The following MAP7 variants were observed in gnomAD, a reference collection of about 807,000 sequenced individuals.
MAP7 encodes microtubule associated protein 7.
MAP7 carries 52 observed loss-of-function variants against 94.8 expected under a neutral mutation model. The observed-to-expected ratio is 0.55, with a 90% CI of 0.44 to 0.69. The LOEUF is 0.69. MAP7 is among the 30% of genes least tolerant of loss of function. The pLI is 0.00. For synonymous variants in MAP7, 350 were observed against 357.0 expected (o/e 0.98, Z 0.22); for missense variants, 940 against 964.6 (o/e 0.97, Z 0.34).
At chr6:136,455,652 A>G (rs920004670) in intron 1 of MAP7, among the ~76,000 whole-genome samples, 27 of 152,232 alleles carry the variant, frequency 1.8e-4, no homozygotes, top group African/African-American at 6.5e-4. Flanking sequence ...AGAGAATACA[A>G]GATAATTCAC....
intron 1 of MAP7, among the ~76,000 whole-genome samples, chr6:136,453,905 C>A (rs926429131): frequency 6.6e-6 from 1 of 152,150 alleles, no homozygotes; most frequent in Non-Finnish European, 1.5e-5. Flanking sequence ...AAATACAGAC[C>A]ACTTAATTTT....
intron 6 of MAP7, among the ~76,000 whole-genome samples, chr6:136,383,008 A>G (rs899616910): frequency 3.9e-5 from 6 of 152,218 alleles, no homozygotes; most frequent in African/African-American, 1.4e-4. Flanking sequence ...AAATAACTCA[A>G]CATTCATGTA....
intron 1 of MAP7, among the ~76,000 whole-genome samples, chr6:136,468,685 A>T (rs1489599867): frequency 6.6e-6 from 1 of 152,226 alleles, no homozygotes; most frequent in Non-Finnish European, 1.5e-5. Flanking sequence ...ACCCAAAGTG[A>T]GAAACAGAAT....
Position 136,365,942 on chromosome 6 carries a change from C to T in MAP7, c.1066G>A (p.Ala356Thr). 2 of 1,614,044 alleles carry T rather than the reference C, an allele frequency of 1.2e-6. No homozygotes were observed. Among genetic ancestry groups the T allele is most frequent in the South Asian group, 2.2e-5 (2 of 91,078 alleles). The part of the protein sequence containing the change: ...TSSLPPGSVK[A>T]APAQVRPPSP... ...GGGGGCCGGACCTGAGCAGGAGCAGCTTTGACTGAGCCGGGTGGCAAGGAG... is the reference window on the plus strand; with the variant it reads ...GGGGGCCGGACCTGAGCAGGAGCAGTTTTGACTGAGCCGGGTGGCAAGGAG... The change falls in exon 10 of 18, where the codon GCT becomes ACT. Residue 356 changes from alanine (A) to threonine (T), a missense_variant. By Grantham distance (58) the Ala-to-Thr change is moderately conservative. Coordinates refer to ENST00000354570, the MANE Select transcript of MAP7 (RefSeq NM_003980.6).
At chr6:136,478,362 G>A (rs1231614124) in intron 1 of MAP7, among the ~76,000 whole-genome samples, 1 of 151,964 alleles carries the variant, frequency 6.6e-6, no homozygotes, top group Non-Finnish European at 1.5e-5. Flanking sequence ...GTGGGAGGAT[G>A]GCTTGAGGCC....
chr6:136,505,546 A>T (rs968935716), intron 1 of MAP7, among the ~76,000 whole-genome samples: 1 of 151,880 alleles, frequency 6.6e-6, no homozygotes, highest in Non-Finnish European at 1.5e-5. Context: ...ATCGCTAGGC[A>T]TCTGAGATTA....
intron 1 of MAP7, among the ~76,000 whole-genome samples, chr6:136,443,368 T>C (rs1179992480): frequency 6.6e-6 from 1 of 152,038 alleles, no homozygotes; most frequent in African/African-American, 2.4e-5. Context: ...GGAATATGTC[T>C]ACATGGAGGG....
chr6:136,520,185 G>A lies in MAP7; in HGVS notation c.67+30157C>T, dbSNP rs1172559336. Among the ~76,000 whole-genome samples, 3 of 141,078 alleles carry A rather than the reference G, an allele frequency of 2.1e-5. No homozygotes were observed. The Admixed American group carries it at 2.1e-4, about 10-fold the overall frequency. The allele number at this position is 141,078 out of a possible 152,430, so 92.6% of individuals were successfully genotyped here. On this transcript the variant is annotated intron_variant, in intron 1 of 17. Coordinates refer to ENST00000354570, the MANE Select transcript of MAP7 (RefSeq NM_003980.6). ...ACTGCACTTCAGCCTGGAAAACAGA[G>A]CAAGAGTTTGCCTCAAAAAAAAAAA...
At chr6:136,409,477 A>G (rs2128734158) in intron 3 of MAP7, among the ~76,000 whole-genome samples, 1 of 152,382 alleles carries the variant, frequency 6.6e-6, no homozygotes, top group East Asian at 1.9e-4. Flanking sequence ...GAATAATACA[A>G]TCATCTAGAT....
intron 1 of MAP7, among the ~76,000 whole-genome samples, chr6:136,488,783 ATAAC>A (rs2128984389): frequency 6.6e-6 from 1 of 152,252 alleles, no homozygotes; most frequent in African/African-American, 2.4e-5. Context: ...GCAATGAGAA[ATAAC>A]TAATAGCACA....
In MAP7 at chr6:136,344,128, GA is replaced by G; in HGVS notation, c.*99del. 1 of 498,526 alleles carries G rather than the reference GA, an allele frequency of 2.0e-6. No individual in the cohort carries two copies. The highest frequency in any genetic ancestry group is 3.4e-6 in the Non-Finnish European group (1 of 298,324). The allele number at this position is 498,526 out of a possible 1,614,324, so 30.9% of individuals were successfully genotyped here. On this transcript the variant is annotated 3_prime_UTR_variant, in exon 18 of 18. Transcript: ENST00000354570. The stretch of plus-strand genomic sequence containing the variant: ...TTCAAAATGATGGTCAAGAACTCTA[GA>G]AAACGGGTGGAGGGGATGCTCCTTT...
chr6:136,432,684 C>T (rs1163763180), intron 1 of MAP7, among the ~76,000 whole-genome samples: 1 of 152,118 alleles, frequency 6.6e-6, no homozygotes, highest in Non-Finnish European at 1.5e-5. Flanking sequence ...AAATTACCTT[C>T]TCTCTCAACT....
At chr6:136,405,797 G>T (rs1785412051) in intron 3 of MAP7, among the ~76,000 whole-genome samples, 1 of 152,212 alleles carries the variant, frequency 6.6e-6, no homozygotes, top group African/African-American at 2.4e-5. Context: ...GTTGTGAGAA[G>T]TAGTTACTTT....
intron 1 of MAP7, among the ~76,000 whole-genome samples, chr6:136,438,387 A>G (rs1459032582): frequency 1.3e-5 from 2 of 152,202 alleles, no homozygotes; most frequent in Non-Finnish European, 2.9e-5. Flanking sequence ...TCGACTCCAG[A>G]ATTTGCTTGG....
intron 3 of MAP7, among the ~76,000 whole-genome samples, chr6:136,409,534 G>A (rs1485008197): frequency 1.3e-5 from 2 of 152,178 alleles, no homozygotes; most frequent in Non-Finnish European, 2.9e-5. Flanking sequence ...AAAGCATGTT[G>A]GGTCTCTCAG....
intron 3 of MAP7, among the ~76,000 whole-genome samples, chr6:136,399,315 G>A (rs557563753): frequency 1.3e-5 from 2 of 152,150 alleles, no homozygotes; most frequent in Admixed American, 6.5e-5. Context: ...TACCTTTGAG[G>A]ACATGTGTGG....
At position 136,388,515 on chromosome 6, in the gene MAP7, G is replaced by A. The variant is rs1779793792; in HGVS notation, c.409-5C>T. 6 of 1,611,178 alleles carry A rather than the reference G, an allele frequency of 3.7e-6. No individual in the cohort carries two copies. Among genetic ancestry groups the A allele is most frequent in the Non-Finnish European group, 5.1e-6 (6 of 1,177,398 alleles). ...TACAACAGCTTCGTGGCGTTCCTTA[G>A]ATGGAATAGAAGAGCTGAGGATTAG... On this transcript the variant is annotated splice_region_variant and splice_polypyrimidine_tract_variant and intron_variant, in intron 4 of 17. Coordinates refer to ENST00000354570, the MANE Select transcript of MAP7 (RefSeq NM_003980.6).
At chr6:136,347,079 T>C (rs936518323) in intron 16 of MAP7, among the ~76,000 whole-genome samples, 1 of 150,584 alleles carries the variant, frequency 6.6e-6, no homozygotes, top group African/African-American at 2.5e-5. Context: ...TACTTAATCT[T>C]CTATGGTTTG....
chr6:136,355,267 T>A (rs754300177), intron 16 of MAP7, among the ~76,000 whole-genome samples: 5 of 150,638 alleles, frequency 3.3e-5, no homozygotes, highest in East Asian at 1.9e-4. Flanking sequence ...CTTTTTTTTT[T>A]AAAAAAGAAA....
Sources: gnomAD v4.1 joint callset for allele counts (sites outside exome capture counted in the v4.1 genomes callset) on GRCh38, gnomAD v4.1.1 for gene constraint, MANE v1.5 for transcripts, NCBI Gene and HGNC (gene_info 2026-07-23, HGNC 2026-07-21) for gene names.